Variants in EDIL3 observed in about 807,000 individuals in gnomAD.
EDIL3 encodes the protein EGF-like repeat and discoidin I-like domain-containing protein 3.
EDIL3 carries 37 observed loss-of-function variants against 67.4 expected under a neutral mutation model. The observed-to-expected ratio is 0.55, with a 90% confidence interval of 0.42 to 0.72. The LOEUF (loss-of-function observed/expected upper bound fraction) is 0.72. EDIL3 is among the 30% of genes least tolerant of loss of function. EDIL3 has a pLI of 0.00. For missense variants in EDIL3, 527 were observed against 586.3 expected, an observed-to-expected ratio of 0.90 and a Z score of 1.04; for synonymous variants, 195 against 196.3, an observed-to-expected ratio of 0.99 and a Z score of 0.05.
chr5:84,110,742 C>G (rs1747547938), intron 5 of EDIL3, among the ~76,000 whole-genome samples: 1 of 152,140 alleles, frequency 6.6e-6, no homozygotes, highest in Non-Finnish European at 1.5e-5. Context: ...CAAAATTTGA[C>G]TCGGATCTTT....
At chr5:84,241,946 C>T (rs1291717506) in intron 2 of EDIL3, among the ~76,000 whole-genome samples, 2 of 151,578 alleles carry the variant, frequency 1.3e-5, no homozygotes, top group Admixed American at 6.6e-5. Flanking sequence ...AGCAGCCGGG[C>T]GCGGTGGCTC....
At chr5:84,160,619 T>A (rs1416610720) in intron 4 of EDIL3, among the ~76,000 whole-genome samples, 1 of 152,110 alleles carries the variant, frequency 6.6e-6, no homozygotes, top group Non-Finnish European at 1.5e-5. Flanking sequence ...CAAAGCTTAT[T>A]CAGCTGCAGG....
At chr5:84,151,809 T>C (rs867398027) in intron 4 of EDIL3, among the ~76,000 whole-genome samples, 10 of 152,176 alleles carry the variant, frequency 6.6e-5, no homozygotes, top group Non-Finnish European at 1.3e-4. Context: ...AGTACATTGA[T>C]GTGTATGTTT....
intron 4 of EDIL3, among the ~76,000 whole-genome samples, chr5:84,138,382 G>C (rs1410978455): frequency 1.3e-5 from 2 of 152,164 alleles, no homozygotes; most frequent in African/African-American, 4.8e-5. Context: ...CCTGTTCCTT[G>C]TATTCCTGAA....
chr5:84,348,767 T>C (rs1209970601), intron 1 of EDIL3, among the ~76,000 whole-genome samples: 1 of 152,170 alleles, frequency 6.6e-6, no homozygotes, highest in Non-Finnish European at 1.5e-5. Flanking sequence ...CTCCAATTTC[T>C]ACTGAAGGCA....
intron 4 of EDIL3, among the ~76,000 whole-genome samples, chr5:84,179,131 G>C (rs1297526306): frequency 6.6e-6 from 1 of 152,104 alleles, no homozygotes; most frequent in African/African-American, 2.4e-5. Context: ...ACATCACAGG[G>C]TAAGTAAGGG....
At chr5:84,154,159 T>C (rs1200494510) in intron 4 of EDIL3, among the ~76,000 whole-genome samples, 1 of 152,202 alleles carries the variant, frequency 6.6e-6, no homozygotes, top group Non-Finnish European at 1.5e-5. Context: ...AAGAAACTTA[T>C]TGTCATTTCG....
At chr5:83,973,729 A>G (rs1345681225) in intron 9 of EDIL3, among the ~76,000 whole-genome samples, 1 of 152,108 alleles carries the variant, frequency 6.6e-6, no homozygotes, top group East Asian at 1.9e-4. Flanking sequence ...AAACATCTAT[A>G]TACAAATTTG....
chr5:84,003,732 T>C (rs1379810712), intron 9 of EDIL3, among the ~76,000 whole-genome samples: 1 of 152,104 alleles, frequency 6.6e-6, no homozygotes, highest in Non-Finnish European at 1.5e-5. Flanking sequence ...CTTAGGTACA[T>C]AGACCATTGA....
At chr5:84,312,263 G>C (rs1173062920) in intron 1 of EDIL3, among the ~76,000 whole-genome samples, 1 of 137,880 alleles carries the variant, frequency 7.3e-6, no homozygotes, top group Non-Finnish European at 1.6e-5. Flanking sequence ...CCTCCCGGAC[G>C]GGGCAGCTGG....
At chr5:83,956,148 G>A (rs748680745) in intron 10 of EDIL3, among the ~76,000 whole-genome samples, 2 of 151,680 alleles carry the variant, frequency 1.3e-5, no homozygotes, top group African/African-American at 2.4e-5. Context: ...TTGGGCACTA[G>A]CCCTCTCTCT....
chr5:84,233,744 G>A (rs1173845009), intron 2 of EDIL3, among the ~76,000 whole-genome samples: 1 of 152,022 alleles, frequency 6.6e-6, no homozygotes, highest in East Asian at 1.9e-4. Flanking sequence ...GGAAAAAAAA[G>A]GCCTCCTCAC....
chr5:84,125,022 T>A (rs986917935), intron 5 of EDIL3, among the ~76,000 whole-genome samples: 12 of 151,946 alleles, frequency 7.9e-5, no homozygotes, highest in Admixed American at 5.3e-4. Flanking sequence ...TTTAAATTGA[T>A]CATTCATGAA....
chr5:84,139,156 G>A (rs1748145016), intron 4 of EDIL3, among the ~76,000 whole-genome samples: 1 of 151,950 alleles, frequency 6.6e-6, no homozygotes, highest in African/African-American at 2.4e-5. Context: ...AGAATTGCTT[G>A]AACCCTGAAG....
At chr5:84,066,688 A>G in intron 6 of EDIL3, 82 bp from the exon 7 acceptor site, 1 of 1,499,158 alleles carries the variant, frequency 6.7e-7, no homozygotes, top group East Asian at 2.4e-5. Flanking sequence ...GAAATGAAAC[A>G]TTGTTAATGC....
At chr5:84,007,749 A>G (rs923653701) in intron 9 of EDIL3, among the ~76,000 whole-genome samples, 12 of 152,170 alleles carry the variant, frequency 7.9e-5, no homozygotes, top group African/African-American at 2.7e-4. Context: ...TAGAACTACC[A>G]TATGATCCAG....
chr5:84,270,163 T>C (rs1226817296), intron 1 of EDIL3, among the ~76,000 whole-genome samples: 1 of 152,218 alleles, frequency 6.6e-6, no homozygotes, highest in Non-Finnish European at 1.5e-5. Context: ...ACTGATTTTT[T>C]ATAATAAGAA....
intron 4 of EDIL3, among the ~76,000 whole-genome samples, chr5:84,147,003 T>G (rs773592850): frequency 6.6e-6 from 1 of 152,134 alleles, no homozygotes; most frequent in Non-Finnish European, 1.5e-5. Flanking sequence ...AAAGCCTTCA[T>G]GTGCCACATT....
At chr5:84,176,039 G>T (rs1748898301) in intron 4 of EDIL3, among the ~76,000 whole-genome samples, 1 of 151,390 alleles carries the variant, frequency 6.6e-6, no homozygotes, top group African/African-American at 2.4e-5. Flanking sequence ...AGTGATTCAT[G>T]ACCCCAATAA....
Sources: allele counts gnomAD v4.1 joint callset (sites outside exome capture counted in the v4.1 genomes callset), GRCh38; gene constraint gnomAD v4.1.1; transcripts MANE v1.5; gene names NCBI Gene and HGNC (gene_info 2026-07-23, HGNC 2026-07-21).